The following ZFPM2 variants were observed in gnomAD, a reference collection of about 807,000 sequenced individuals.
The protein encoded by ZFPM2 is zinc finger protein ZFPM2.
A neutral mutation model predicts 98.6 loss-of-function variants in ZFPM2; 20 were observed. The ratio of observed to expected loss-of-function variants is 0.20; its 90% CI spans 0.14 to 0.29. The LOEUF is 0.29. Ranked by LOEUF, ZFPM2 falls within the 10% of genes least tolerant of loss-of-function variation. The probability of loss-of-function intolerance (pLI) is 1.00; values close to 1 mark genes in which losing one functional copy is unlikely to be tolerated. For synonymous variants in ZFPM2, 518 were observed against 502.7 expected, an observed-to-expected ratio of 1.03 and a Z score of -0.41; for missense variants, 1,310 against 1,388.6, an observed-to-expected ratio of 0.94 and a Z score of 0.90.
At chr8:105,460,991 C>A (rs1419859544) in intron 3 of ZFPM2, among the ~76,000 whole-genome samples, 1 of 151,684 alleles carries the variant, frequency 6.6e-6, no homozygotes, top group Non-Finnish European at 1.5e-5. Flanking sequence ...TTATCAAGAA[C>A]AAGTAGACAT....
At chr8:105,699,562 G>A (rs922119357) in intron 5 of ZFPM2, among the ~76,000 whole-genome samples, 1 of 151,968 alleles carries the variant, frequency 6.6e-6, no homozygotes, top group African/African-American at 2.4e-5. Flanking sequence ...ATTCTAAAAT[G>A]TTTTTCTTTT....
At chr8:105,734,249 C>A (rs1476272678) in intron 5 of ZFPM2, among the ~76,000 whole-genome samples, 3 of 151,862 alleles carry the variant, frequency 2.0e-5, no homozygotes, top group African/African-American at 7.2e-5. Context: ...TCCCTATGTG[C>A]CCCACAAATA....
chr8:105,582,176 A>G (rs1165245699), intron 4 of ZFPM2, among the ~76,000 whole-genome samples: 1 of 152,196 alleles, frequency 6.6e-6, no homozygotes, highest in African/African-American at 2.4e-5. Context: ...TTACTGACCA[A>G]TCCACCCGGA....
intron 1 of ZFPM2, among the ~76,000 whole-genome samples, chr8:105,416,478 A>T (rs1013708672): frequency 6.6e-6 from 1 of 151,664 alleles, no homozygotes; most frequent in Non-Finnish European, 1.5e-5. Context: ...TCTTTTTATT[A>T]TATACAGGCT....
intron 5 of ZFPM2, among the ~76,000 whole-genome samples, chr8:105,758,224 A>G (rs1212527384): frequency 2.0e-5 from 3 of 152,170 alleles, no homozygotes; most frequent in Admixed American, 2.0e-4. Context: ...CACGACTATC[A>G]TTCACTGGCT....
chr8:105,674,476 C>T (rs554951400), intron 5 of ZFPM2, among the ~76,000 whole-genome samples: 86 of 152,198 alleles, frequency 5.7e-4, no homozygotes, highest in Non-Finnish European at 5.4e-4. Flanking sequence ...TCAGAGGAGA[C>T]CAAGTCTTGT....
chr8:105,608,989 G>A (rs1816251785), intron 4 of ZFPM2, among the ~76,000 whole-genome samples: 1 of 151,660 alleles, frequency 6.6e-6, no homozygotes, highest in Non-Finnish European at 1.5e-5. Flanking sequence ...ACTGAACAAG[G>A]AAAGAAGAGA....
chr8:105,447,766 A>T (rs1261096628), intron 3 of ZFPM2, among the ~76,000 whole-genome samples: 1 of 152,042 alleles, frequency 6.6e-6, no homozygotes, highest in Non-Finnish European at 1.5e-5. Flanking sequence ...ATCTTTTTTT[A>T]AAAGAGTTTG....
chr8:105,713,146 C>T (rs1476338371), intron 5 of ZFPM2, among the ~76,000 whole-genome samples: 1 of 152,044 alleles, frequency 6.6e-6, no homozygotes, highest in Non-Finnish European at 1.5e-5. Context: ...ATTTACATTC[C>T]AGTAACAGCA....
intron 1 of ZFPM2, among the ~76,000 whole-genome samples, chr8:105,384,229 C>A (rs1810941646): frequency 6.6e-6 from 1 of 152,036 alleles, no homozygotes; most frequent in South Asian, 2.1e-4. Context: ...CAATTCTTGT[C>A]TTTTGAGTTG....
chr8:105,485,568 G>A (rs975121369), intron 3 of ZFPM2, among the ~76,000 whole-genome samples: 5 of 152,158 alleles, frequency 3.3e-5, no homozygotes, highest in Non-Finnish European at 5.9e-5. Context: ...GTAACGGCCT[G>A]TAAGCCTGGA....
intron 5 of ZFPM2, among the ~76,000 whole-genome samples, chr8:105,777,907 C>T (rs1813140476): frequency 6.6e-6 from 1 of 152,130 alleles, no homozygotes; most frequent in African/African-American, 2.4e-5. Flanking sequence ...CTGTGCTGGG[C>T]TCCCTTTTGA....
chr8:105,601,259 A>G (rs186556979), intron 4 of ZFPM2, among the ~76,000 whole-genome samples: 1 of 152,254 alleles, frequency 6.6e-6, no homozygotes, highest in African/African-American at 2.4e-5. Context: ...TAACAAGGTA[A>G]CATATGAAAA....
chr8:105,390,217 TCTGA>T (rs1193269279), intron 1 of ZFPM2, among the ~76,000 whole-genome samples: 1 of 152,206 alleles, frequency 6.6e-6, no homozygotes, highest in Non-Finnish European at 1.5e-5. Context: ...CAACTGCACT[TCTGA>T]CTAACAGGCT....
At chr8:105,496,220 A>G (rs920212789) in intron 3 of ZFPM2, among the ~76,000 whole-genome samples, 47 of 152,106 alleles carry the variant, frequency 3.1e-4, no homozygotes, top group African/African-American at 1.1e-3. Flanking sequence ...TATGTTGTCC[A>G]GGCTGGGTCT....
At chr8:105,436,853 TAA>T in intron 2 of ZFPM2, among the ~76,000 whole-genome samples, 1 of 152,318 alleles carries the variant, frequency 6.6e-6, no homozygotes, top group African/African-American at 2.4e-5. Context: ...GAGTAGTGCT[TAA>T]GAGATGATAG....
chr8:105,325,635 A>G (rs936094633), intron 1 of ZFPM2, among the ~76,000 whole-genome samples: 1 of 151,734 alleles, frequency 6.6e-6, no homozygotes, highest in Non-Finnish European at 1.5e-5. Context: ...CTGTTTAGGG[A>G]TCTAGTTTGA....
At chr8:105,488,828 A>G (rs187176290) in intron 3 of ZFPM2, among the ~76,000 whole-genome samples, 111 of 152,270 alleles carry the variant, frequency 7.3e-4, no homozygotes, top group African/African-American at 2.3e-3. Flanking sequence ...AAGAGATTCT[A>G]TGTGAACAAA....
intron 3 of ZFPM2, among the ~76,000 whole-genome samples, chr8:105,467,292 C>A (rs955986803): frequency 3.9e-5 from 6 of 152,026 alleles, no homozygotes; most frequent in African/African-American, 1.2e-4. Context: ...TACTTTATGT[C>A]TCTGATCCTC....
Sources: gnomAD v4.1 joint callset for allele counts (sites outside exome capture counted in the v4.1 genomes callset) on GRCh38, gnomAD v4.1.1 for gene constraint, MANE v1.5 for transcripts, NCBI Gene and HGNC (gene_info 2026-07-23, HGNC 2026-07-21) for gene names.